The following DPP9 variants were observed in gnomAD, a reference collection of about 807,000 sequenced individuals.
DPP9 encodes the protein dipeptidyl peptidase 9, also known as dipeptidyl peptidase IV-related protein-2.
Under a neutral mutation model 110.7 loss-of-function variants are expected in DPP9, and 50 were observed. The observed-to-expected ratio is 0.45, with a 90% CI of 0.36 to 0.57. The LOEUF (loss-of-function observed/expected upper bound fraction) is 0.57, where lower values mean the gene tolerates loss of function less well. Ranked by LOEUF, DPP9 falls within the 20% of genes least tolerant of loss-of-function variation. The probability of loss-of-function intolerance (pLI) is 0.00; values close to 1 mark genes in which losing one functional copy is unlikely to be tolerated. For missense variants in DPP9, 1,022 were observed against 1,217.9 expected, an observed-to-expected ratio of 0.84 and a Z score of 2.39; for synonymous variants, 561 against 514.4, an observed-to-expected ratio of 1.09 and a Z score of -1.23.
At position 4,703,941 on chromosome 19, in the gene DPP9, C is replaced by A; in HGVS notation, c.714G>T (p.Leu238=). The stretch of plus-strand genomic sequence containing the variant: ...CGCCTGTCTCGATGTTGGCCACCCA[C>A]AGGTCGCTGTTATTGATGAAGGAGA... ...AFFSFINNSD[L]WVANIETGEE... Residue 238 remains leucine (L), a synonymous_variant, in exon 7 of 22, where the codon CTG becomes CTT. Coordinates refer to ENST00000262960, the MANE Select transcript of DPP9 (RefSeq NM_139159.5). 1.2e-6 allele frequency: 2 copies of A among 1,613,550 alleles called. No homozygotes were observed. The highest frequency in any genetic ancestry group is 1.7e-6 in the Non-Finnish European group (2 of 1,179,712).
intron 21 of DPP9, among the ~76,000 whole-genome samples, chr19:4,678,384 G>A (rs6510820): frequency 0.19 from 28,640 of 152,116 alleles, 4,525 homozygotes; most frequent in African/African-American, 0.43. Flanking sequence ...AAGTGCTGGG[G>A]TTACAGGCGT....
At chr19:4,717,148 G>A (rs1188508729) in intron 3 of DPP9, among the ~76,000 whole-genome samples, 1 of 152,148 alleles carries the variant, frequency 6.6e-6, no homozygotes, top group Non-Finnish European at 1.5e-5. Flanking sequence ...CAGGGCCAGC[G>A]TGTCCTGCCC....
At position 4,689,894 on chromosome 19, in the gene DPP9, TCTGGCCCCGTGGG is replaced by T; in HGVS notation, c.1597-185_1597-173del. On this transcript the variant is annotated intron_variant, in intron 14 of 21. Transcript: ENST00000262960. The surrounding 1 kb of genome is among the most constrained non-coding windows in gnomAD (Gnocchi z 7.0). ...GAACCATCCCTGAGAGATGCGCTTA[TCTGGCCCCGTGGG>T]CTGGGAGCAGCCCCTGGTCGAGCTG... 2.0e-5 allele frequency among the ~76,000 whole-genome samples: 3 copies of T among 152,228 alleles called. No individual in the cohort carries two copies. The East Asian group carries it at 5.8e-4, about 29-fold the overall frequency.
intron 7 of DPP9, among the ~76,000 whole-genome samples, chr19:4,703,167 G>T (rs1036937825): frequency 1.3e-5 from 2 of 152,110 alleles, no homozygotes; most frequent in Non-Finnish European, 2.9e-5. Context: ...CACTTCTGAT[G>T]AGCAAGGGAG....
intron 5 of DPP9, among the ~76,000 whole-genome samples, chr19:4,705,259 T>C (rs527904914): frequency 7.9e-5 from 12 of 152,362 alleles, no homozygotes; most frequent in African/African-American, 2.9e-4. Context: ...TGGGATTCGC[T>C]GTCTCCCAGG....
intron 2 of DPP9, among the ~76,000 whole-genome samples, chr19:4,720,791 C>A (rs2146019784): frequency 6.6e-6 from 1 of 152,308 alleles, no homozygotes; most frequent in African/African-American, 2.4e-5. Context: ...CAATGCCAAG[C>A]CGGAGACCCC....
Position 4,718,427 on chromosome 19 carries a change from T to C in DPP9, c.56+1424A>G, listed in dbSNP as rs73920122. Among the ~76,000 whole-genome samples, 3,053 of 152,180 alleles carry C rather than the reference T, an allele frequency of 0.02. 94 individuals are homozygous for C. Among genetic ancestry groups the C allele is most frequent in the African/African-American group, 0.07 (2,921 of 41,528 alleles). The stretch of plus-strand genomic sequence containing the variant: ...TGGCTGGCGTGGGGCAAGGGGCGTA[T>C]GGGGGTGGTGAGGACAGGGTCCTAC... On this transcript the variant is annotated intron_variant, in intron 3 of 21. Coordinates refer to ENST00000262960, the MANE Select transcript of DPP9 (RefSeq NM_139159.5). The surrounding 1 kb of genome is among the most constrained non-coding windows in gnomAD (Gnocchi z 4.3).
chr19:4,701,917 C>T (rs1307187822), intron 9 of DPP9, 110 bp downstream of exon 9: 8 of 1,459,340 alleles, frequency 5.5e-6, no homozygotes, highest in South Asian at 1.3e-5. Flanking sequence ...CATAGATGCC[C>T]AGAGCACACA....
At chr19:4,697,530 G>A (rs2091904255) in intron 11 of DPP9, 21 bp downstream of exon 11, 1 of 1,605,776 alleles carries the variant, frequency 6.2e-7, no homozygotes, top group Non-Finnish European at 8.5e-7. Flanking sequence ...AATTCCTTGG[G>A]TTCCAGCCAG....
At chr19:4,708,664 C>A (rs2092697102) in intron 4 of DPP9, among the ~76,000 whole-genome samples, 1 of 152,156 alleles carries the variant, frequency 6.6e-6, no homozygotes, top group Non-Finnish European at 1.5e-5. Context: ...AGACCATTAT[C>A]CTTAGAAAAG....
chr19:4,714,073 C>T lies in DPP9; in HGVS notation c.313+8G>A, dbSNP rs373775176. ...CCCCGCCCAAGCAGCCTGCAGGGCC[C>T]GGCTTACCCAGGTAGTAGAGGCGGT... is the stretch of plus-strand genomic sequence containing the variant. On this transcript the variant is annotated splice_region_variant and intron_variant, in intron 4 of 21. Coordinates refer to ENST00000262960, the MANE Select transcript of DPP9 (RefSeq NM_139159.5). 5.2e-5 allele frequency: 84 copies of T among 1,605,038 alleles called. No individual in the cohort carries two copies. Among genetic ancestry groups the T allele is most frequent in the African/African-American group, 8.0e-5 (6 of 74,702 alleles).
In DPP9 at chr19:4,713,331, C is replaced by T. The variant is rs1420764839; in HGVS notation, c.313+750G>A. Among the ~76,000 whole-genome samples the T allele has an allele frequency of 7.9e-5, 12 of 152,334 alleles. No homozygotes were observed. In the East Asian group the frequency reaches 9.6e-4, roughly 12 times the overall value. ...GTGCAGTGGGCACCATCCGAATATCCGCTGCCCACCTCACGGGAGCCAGGC... is the reference window on the plus strand; with the variant it reads ...GTGCAGTGGGCACCATCCGAATATCTGCTGCCCACCTCACGGGAGCCAGGC... On this transcript the variant is annotated intron_variant, in intron 4 of 21. Transcript: ENST00000262960.
Position 4,685,367 on chromosome 19 carries a change from A to C in DPP9, c.2031+259T>G. Reference sequence around the variant, plus strand: ...GGAGACTAGGGGACTTCCTAGAGGAACAAGGGAGAGTCAGCAGGCGGAGGG... The same window carrying C: ...GGAGACTAGGGGACTTCCTAGAGGACCAAGGGAGAGTCAGCAGGCGGAGGG... On this transcript the variant is annotated intron_variant, in intron 17 of 21. Coordinates refer to ENST00000262960, the MANE Select transcript of DPP9 (RefSeq NM_139159.5). The surrounding 1 kb of genome is among the most constrained non-coding windows in gnomAD (Gnocchi z 5.8). 3 of 625,498 alleles carry C rather than the reference A, an allele frequency of 4.8e-6. No homozygotes were observed. The highest frequency in any genetic ancestry group is 8.9e-6 in the Non-Finnish European group (3 of 336,056). 38.7% of individuals were successfully genotyped at this position (625,498 alleles called of 1,614,324 possible).
chr19:4,714,639 G>A (rs548219203), intron 3 of DPP9, among the ~76,000 whole-genome samples: 1 of 152,200 alleles, frequency 6.6e-6, no homozygotes, highest in African/African-American at 2.4e-5. Context: ...CAATCCTCCT[G>A]CGTCAGCCTC....
chr19:4,690,812 T>A, intron 14 of DPP9, 66 bp downstream of exon 14: 1 of 1,239,374 alleles, frequency 8.1e-7, no homozygotes, highest in South Asian at 1.3e-5. Context: ...TGCGTGTGTG[T>A]GTGAGTGTAT....
intron 4 of DPP9, among the ~76,000 whole-genome samples, chr19:4,709,434 C>A (rs964160129): frequency 5.9e-5 from 9 of 151,990 alleles, no homozygotes; most frequent in Non-Finnish European, 1.2e-4. Context: ...GGAGAAAAAT[C>A]GTGCGGAGAC....
chr19:4,701,959 A>G, intron 9 of DPP9, 68 bp downstream of exon 9: 1 of 1,571,808 alleles, frequency 6.4e-7, no homozygotes, highest in Non-Finnish European at 8.6e-7. Flanking sequence ...GGGACAGTGC[A>G]CCTCACCAGC....
In DPP9 at chr19:4,687,747, T is replaced by C. The variant is rs2090910837; in HGVS notation, c.1885+1010A>G. Among the ~76,000 whole-genome samples the C allele has an allele frequency of 6.6e-6, 1 of 151,744 alleles. No individual in the cohort carries two copies. The highest frequency in any genetic ancestry group is 1.5e-5 in the Non-Finnish European group (1 of 67,964). On this transcript the variant is annotated intron_variant, in intron 16 of 21. Transcript: ENST00000262960. This position sits in a 1 kb window ranked among gnomAD's most constrained non-coding sequence, Gnocchi z 4.7. ...ATAACCACGGCGGGTTTCAAACCAG[T>C]GTGGGTGGACTCTGACATCCCGGCC... is the stretch of plus-strand genomic sequence containing the variant.
intron 21 of DPP9, chr19:4,679,196 C>G (rs2089399495): frequency 6.6e-6 from 1 of 152,610 alleles, no homozygotes; most frequent in Admixed American, 6.5e-5. Flanking sequence ...CTGCGGAAGC[C>G]CCACCCACCG....
Sources: gnomAD v4.1 joint callset for allele counts (sites outside exome capture counted in the v4.1 genomes callset) on GRCh38, gnomAD v4.1.1 for gene constraint, Gnocchi (gnomAD v3.1) non-coding constraint, MANE v1.5 for transcripts, NCBI Gene and HGNC (gene_info 2026-07-23, HGNC 2026-07-21) for gene names.